CNTNAP2: variants seen among roughly 807,000 people sequenced by gnomAD.
The protein encoded by CNTNAP2 is contactin-associated protein-like 2.
CNTNAP2 carries 98 observed loss-of-function variants against 155.2 expected under a neutral mutation model. That is an observed-to-expected ratio of 0.63 (90% CI 0.54 to 0.75). CNTNAP2 has a LOEUF of 0.75. Among genes scored for constraint, CNTNAP2 ranks in the 30% least tolerant of loss-of-function variants. The probability of loss-of-function intolerance (pLI) is 0.00; values close to 1 mark genes in which losing one functional copy is unlikely to be tolerated. For missense variants in CNTNAP2, 1,727 were observed against 1,688.1 expected, an observed-to-expected ratio of 1.02 and a Z score of -0.40; for synonymous variants, 651 against 631.2, an observed-to-expected ratio of 1.03 and a Z score of -0.47.
intron 3 of CNTNAP2, among the ~76,000 whole-genome samples, chr7:146,917,350 C>T (rs548135484): frequency 6.6e-6 from 1 of 152,022 alleles, no homozygotes; most frequent in Non-Finnish European, 1.5e-5. Context: ...TAGTTTAAGT[C>T]CGTTGTTTGT....
chr7:147,991,013 A>G (rs1393615894), intron 15 of CNTNAP2, among the ~76,000 whole-genome samples: 1 of 152,170 alleles, frequency 6.6e-6, no homozygotes. Flanking sequence ...GGGGCCCACC[A>G]TGAGTCACCT....
intron 1 of CNTNAP2, among the ~76,000 whole-genome samples, chr7:146,178,451 A>G (rs1204737141): frequency 2.6e-5 from 4 of 152,306 alleles, no homozygotes; most frequent in African/African-American, 9.6e-5. Flanking sequence ...CAAAGAGTAA[A>G]TTATGTCATA....
chr7:148,087,653 C>A (rs1362361997), intron 15 of CNTNAP2, among the ~76,000 whole-genome samples: 5 of 152,056 alleles, frequency 3.3e-5, no homozygotes, highest in Non-Finnish European at 7.4e-5. Context: ...TGTTTTCTAG[C>A]AATAACAAGA....
At chr7:147,520,589 C>T (rs560832912) in intron 11 of CNTNAP2, among the ~76,000 whole-genome samples, 1 of 152,292 alleles carries the variant, frequency 6.6e-6, no homozygotes, top group Admixed American at 6.5e-5. Context: ...GGAGGAGGAA[C>T]ACAGGAGTGA....
chr7:146,737,874 TA>T (rs1284311786), intron 1 of CNTNAP2, among the ~76,000 whole-genome samples: 1 of 152,120 alleles, frequency 6.6e-6, no homozygotes, highest in African/African-American at 2.4e-5. Context: ...TGCATATAGA[TA>T]GATATACAAA....
chr7:146,504,688 AACC>A (rs1220633442), intron 1 of CNTNAP2, among the ~76,000 whole-genome samples: 1 of 152,200 alleles, frequency 6.6e-6, no homozygotes, highest in Non-Finnish European at 1.5e-5. Context: ...CACTTGCAAA[AACC>A]AGGAACGTAG....
At chr7:147,663,968 G>T (rs1373338178) in intron 13 of CNTNAP2, among the ~76,000 whole-genome samples, 1 of 152,116 alleles carries the variant, frequency 6.6e-6, no homozygotes. Context: ...ACTTTGTTAA[G>T]CTCTCTGGAA....
chr7:146,343,129 C>T (rs1490773309), intron 1 of CNTNAP2, among the ~76,000 whole-genome samples: 2 of 151,108 alleles, frequency 1.3e-5, no homozygotes. Flanking sequence ...ATATATCTTT[C>T]AATGTTAACT....
intron 21 of CNTNAP2, among the ~76,000 whole-genome samples, chr7:148,367,864 C>T (rs1388669066): frequency 6.6e-6 from 1 of 151,894 alleles, no homozygotes; most frequent in African/African-American, 2.4e-5. Context: ...TAATTTGCAC[C>T]TCCTGAAGTG....
intron 1 of CNTNAP2, among the ~76,000 whole-genome samples, chr7:146,626,402 CAG>C (rs1193310286): frequency 3.3e-5 from 5 of 151,988 alleles, no homozygotes; most frequent in African/African-American, 4.8e-5. Context: ...ATAAATAAAA[CAG>C]AAATCTAAAA....
At chr7:146,231,287 A>G (rs1799380507) in intron 1 of CNTNAP2, among the ~76,000 whole-genome samples, 1 of 152,158 alleles carries the variant, frequency 6.6e-6, no homozygotes, top group Non-Finnish European at 1.5e-5. Flanking sequence ...AAACAAGGTA[A>G]AGCTATAGTG....
At chr7:146,266,336 A>C (rs1331383968) in intron 1 of CNTNAP2, among the ~76,000 whole-genome samples, 1 of 152,164 alleles carries the variant, frequency 6.6e-6, no homozygotes, top group Non-Finnish European at 1.5e-5. Context: ...TTTCTGAGCC[A>C]GTGTTTGAAA....
chr7:146,339,993 C>A (rs534510239), intron 1 of CNTNAP2, among the ~76,000 whole-genome samples: 1 of 151,786 alleles, frequency 6.6e-6, no homozygotes, highest in Non-Finnish European at 1.5e-5. Flanking sequence ...CACGGTGAAA[C>A]CCCGTCTCTA....
At chr7:147,911,581 CA>C (rs1800068037) in intron 14 of CNTNAP2, among the ~76,000 whole-genome samples, 1 of 152,140 alleles carries the variant, frequency 6.6e-6, no homozygotes, top group African/African-American at 2.4e-5. Flanking sequence ...TCTCAAGGCT[CA>C]AAATAATGTA....
chr7:146,524,178 G>A (rs1797655263), intron 1 of CNTNAP2, among the ~76,000 whole-genome samples: 1 of 152,076 alleles, frequency 6.6e-6, no homozygotes, highest in Non-Finnish European at 1.5e-5. Flanking sequence ...CCCATATGAG[G>A]CCCATAAAGA....
intron 12 of CNTNAP2, among the ~76,000 whole-genome samples, chr7:147,637,136 G>A (rs1219622562): frequency 6.6e-6 from 1 of 152,146 alleles, no homozygotes; most frequent in Non-Finnish European, 1.5e-5. Context: ...ACTTCTACTG[G>A]AACAAGACCC....
chr7:146,436,656 C>A, intron 1 of CNTNAP2, among the ~76,000 whole-genome samples: 1 of 152,078 alleles, frequency 6.6e-6, no homozygotes, highest in Non-Finnish European at 1.5e-5. Context: ...TTATTTGTAT[C>A]CTGGAAACAG....
At chr7:148,233,091 T>C (rs1445570476) in intron 20 of CNTNAP2, among the ~76,000 whole-genome samples, 5 of 152,196 alleles carry the variant, frequency 3.3e-5, no homozygotes, top group African/African-American at 1.2e-4. Context: ...TTAATGCCAG[T>C]CAAAATATAA....
intron 10 of CNTNAP2, among the ~76,000 whole-genome samples, chr7:147,414,941 C>CAAAAAAAAA (rs67048724): frequency 4.0e-3 from 205 of 50,748 alleles, no homozygotes; most frequent in Non-Finnish European, 5.9e-3. Context: ...GACTCCTTCT[C>CAAAAAAAAA]AAAAAAAAAA....
Sources: gnomAD v4.1 joint callset for allele counts (sites outside exome capture counted in the v4.1 genomes callset) on GRCh38, gnomAD v4.1.1 for gene constraint, MANE v1.5 for transcripts, NCBI Gene and HGNC (gene_info 2026-07-23, HGNC 2026-07-21) for gene names.